DNAH7: variants seen among roughly 807,000 people sequenced by gnomAD.
DNAH7 encodes the protein dynein axonemal heavy chain 7.
A neutral mutation model predicts 444.6 loss-of-function variants in DNAH7; 397 were observed. The observed-to-expected ratio is 0.89, with a 90% CI of 0.82 to 0.97. The LOEUF is 0.97. Ranked by LOEUF, DNAH7 falls within the 50% of genes least tolerant of loss-of-function variation. The probability of loss-of-function intolerance (pLI) is 0.00; values close to 1 mark genes in which losing one functional copy is unlikely to be tolerated. For synonymous variants in DNAH7, 1,636 were observed against 1,624.4 expected (o/e 1.01, Z -0.17); for missense variants, 4,902 against 4,800.8 (o/e 1.02, Z -0.62).
At chr2:196,059,571 A>T (rs562650699) in intron 1 of DNAH7, among the ~76,000 whole-genome samples, 2 of 152,156 alleles carry the variant, frequency 1.3e-5, no homozygotes, top group Admixed American at 1.3e-4. Context: ...GCTTTTTCTC[A>T]TAGCTCCCAT....
At chr2:195,930,908 C>A (rs915432567) in intron 21 of DNAH7, among the ~76,000 whole-genome samples, 2 of 152,000 alleles carry the variant, frequency 1.3e-5, no homozygotes, top group African/African-American at 4.8e-5. Flanking sequence ...TCATCCTAAG[C>A]GAATTAACAC....
At chr2:195,996,329 T>C (rs1350490345) in intron 12 of DNAH7, among the ~76,000 whole-genome samples, 1 of 152,194 alleles carries the variant, frequency 6.6e-6, no homozygotes, top group East Asian at 1.9e-4. Context: ...ACAACAATTT[T>C]AAATAAGCAA....
chr2:195,943,568 G>A (rs1168568788), intron 19 of DNAH7, among the ~76,000 whole-genome samples: 1 of 152,140 alleles, frequency 6.6e-6, no homozygotes, highest in Non-Finnish European at 1.5e-5. Context: ...TGTATCAGAA[G>A]CATTATGTTA....
chr2:195,954,029 A>T (rs1174991775), intron 19 of DNAH7, among the ~76,000 whole-genome samples: 5 of 152,228 alleles, frequency 3.3e-5, no homozygotes, highest in African/African-American at 4.8e-5. Context: ...TCTTTTTTTT[A>T]AATTTTATTA....
intron 61 of DNAH7, among the ~76,000 whole-genome samples, chr2:195,771,182 T>C (rs1694819600): frequency 6.6e-6 from 1 of 151,714 alleles, no homozygotes; most frequent in South Asian, 2.1e-4. Context: ...TAAAATAAAA[T>C]AGAATAAAAT....
chr2:196,046,602 TAGAAGAAGCACATACGCTCAACCC>T (rs1211659799), intron 5 of DNAH7, among the ~76,000 whole-genome samples: 1 of 152,142 alleles, frequency 6.6e-6, no homozygotes, highest in Non-Finnish European at 1.5e-5. Context: ...GAAACCACTC[TAGAAGAAGCACATACGCTCAACCC>T]AGCTGCATGG....
At chr2:195,918,137 A>C (rs1238697893) in intron 24 of DNAH7, among the ~76,000 whole-genome samples, 1 of 152,238 alleles carries the variant, frequency 6.6e-6, no homozygotes, top group African/African-American at 2.4e-5. Flanking sequence ...GATCTGAACA[A>C]ACACCTCACC....
intron 28 of DNAH7, among the ~76,000 whole-genome samples, chr2:195,899,861 C>T (rs921022704): frequency 1.3e-5 from 2 of 152,146 alleles, no homozygotes; most frequent in African/African-American, 4.8e-5. Context: ...AGGTAAACAT[C>T]ATACTGCAAA....
intron 48 of DNAH7, among the ~76,000 whole-genome samples, chr2:195,826,790 A>AATGTATCTT (rs1697778812): frequency 6.6e-6 from 1 of 152,194 alleles, no homozygotes; most frequent in Non-Finnish European, 1.5e-5. Context: ...AGGAGAGCCC[A>AATGTATCTT]AGATAGTCAG....
At chr2:196,068,197 A>G (rs1170871196) in intron 1 of DNAH7, among the ~76,000 whole-genome samples, 2 of 152,222 alleles carry the variant, frequency 1.3e-5, no homozygotes, top group Non-Finnish European at 2.9e-5. Flanking sequence ...ATGGTATGGC[A>G]TGGTATCTAA....
chr2:195,866,564 A>G (rs1397874604), intron 40 of DNAH7, among the ~76,000 whole-genome samples: 1 of 152,196 alleles, frequency 6.6e-6, no homozygotes, highest in Non-Finnish European at 1.5e-5. Flanking sequence ...TGAAACAAGT[A>G]TATTATTATC....
intron 19 of DNAH7, among the ~76,000 whole-genome samples, chr2:195,954,658 T>C (rs1419683367): frequency 6.6e-6 from 1 of 152,214 alleles, no homozygotes; most frequent in Non-Finnish European, 1.5e-5. Context: ...TGTAAAAGTG[T>C]TCCTATTTCT....
At chr2:195,876,038 G>A (rs1701034462) in intron 37 of DNAH7, among the ~76,000 whole-genome samples, 195 bp from the exon 38 acceptor site, 2 of 152,130 alleles carry the variant, frequency 1.3e-5, no homozygotes, top group African/African-American at 4.8e-5. Flanking sequence ...AAGAAATAGG[G>A]AGACATTCTC....
rs764152876 is a variant in DNAH7 at position 195,738,063 on chromosome 2, T to C, written c.11933A>G (p.Tyr3978Cys). 2 of 1,614,038 alleles carry C rather than the reference T, an allele frequency of 1.2e-6. No homozygotes were observed. The highest frequency in any genetic ancestry group is 2.2e-5 in the East Asian group (1 of 44,880). Residue 3978 changes from tyrosine (Y) to cysteine (C), a missense_variant, in exon 65 of 65, where the codon TAT becomes TGT. Coordinates refer to ENST00000312428, the MANE Select transcript of DNAH7 (RefSeq NM_018897.3). ...PKRPSYVAPL[Y>C]KTSERRGVLS... ...TACTCCTCTCCGCTCACTTGTCTTA[T>C]ACAATGGAGCAACATAACTTGGCCG... is the stretch of plus-strand genomic sequence containing the variant.
chr2:196,010,711 G>T (rs980022532), intron 10 of DNAH7, among the ~76,000 whole-genome samples: 53 of 152,176 alleles, frequency 3.5e-4, no homozygotes, highest in African/African-American at 1.2e-3. Context: ...AAAATATAGT[G>T]TGTGTATGTG....
At chr2:195,808,252 C>T (rs1031734896) in intron 53 of DNAH7, among the ~76,000 whole-genome samples, 3 of 152,182 alleles carry the variant, frequency 2.0e-5, no homozygotes, top group Non-Finnish European at 4.4e-5. Context: ...AACAAGGTCT[C>T]GTGAAAGTTG....
intron 49 of DNAH7, among the ~76,000 whole-genome samples, chr2:195,820,484 C>T (rs538627139): frequency 6.6e-6 from 1 of 151,466 alleles, no homozygotes; most frequent in African/African-American, 2.4e-5. Flanking sequence ...AAAAGAAATA[C>T]TTGTTTTTTT....
chr2:195,930,027 C>CA (rs1463775834), intron 21 of DNAH7, among the ~76,000 whole-genome samples: 3 of 151,972 alleles, frequency 2.0e-5, no homozygotes, highest in Non-Finnish European at 4.4e-5. Context: ...ATTGAACAAG[C>CA]AAAAAACAAA....
intron 5 of DNAH7, among the ~76,000 whole-genome samples, chr2:196,034,059 A>G (rs1235602119): frequency 6.6e-6 from 1 of 152,210 alleles, no homozygotes; most frequent in Non-Finnish European, 1.5e-5. Flanking sequence ...GGACCTAATA[A>G]GTGCAAAAAG....
Sources: gnomAD v4.1 joint callset for allele counts (sites outside exome capture counted in the v4.1 genomes callset) on GRCh38, gnomAD v4.1.1 for gene constraint, MANE v1.5 for transcripts, NCBI Gene and HGNC (gene_info 2026-07-23, HGNC 2026-07-21) for gene names.